The following TPM4 variants were observed in gnomAD, a reference collection of about 807,000 sequenced individuals.
TPM4 encodes the protein tropomyosin 4.
In TPM4, 17 loss-of-function variants were observed where a neutral mutation model predicts 35.8. The observed-to-expected ratio is 0.47, with a 90% CI of 0.32 to 0.71. The LOEUF (loss-of-function observed/expected upper bound fraction) is 0.71. TPM4 is among the 30% of genes least tolerant of loss of function. TPM4 has a pLI of 0.03. For synonymous variants in TPM4, 120 were observed against 122.9 expected (o/e 0.98, Z 0.15); for missense variants, 240 against 320.9 (o/e 0.75, Z 1.93).
upstream of TPM4, chr19:16,075,963 T>C: frequency 6.6e-7 from 1 of 1,515,616 alleles, no homozygotes. Flanking sequence ...AGGACTCTTG[T>C]GAATATTGGG....
In TPM4 at chr19:16,067,859, T is replaced by C; in HGVS notation, c.114+121T>C. ...GCGGGAGGATAGGAGGCTGATGCTT[T>C]GGCGGAGGAAGAGCGAGGGGACCAT... is the stretch of plus-strand genomic sequence containing the variant. On this transcript the variant is annotated intron_variant, in intron 2 of 2. Transcript: ENST00000589897. This position sits in a 1 kb window ranked among gnomAD's most constrained non-coding sequence, Gnocchi z 4.1. The C allele has an allele frequency of 1.1e-6, 1 of 922,630 alleles. No individual in the cohort carries two copies. The highest frequency in any genetic ancestry group is 3.0e-5 in the East Asian group (1 of 33,258). 57.2% of individuals were successfully genotyped at this position (922,630 alleles called of 1,614,324 possible). A position where few individuals can be genotyped will look rare whatever the true frequency, so the allele number is the denominator to read the frequency against.
At chr19:16,087,719 G>C (rs930310848) in intron 3 of TPM4, among the ~76,000 whole-genome samples, 5 of 151,008 alleles carry the variant, frequency 3.3e-5, no homozygotes, top group African/African-American at 1.2e-4. Context: ...CATCTCGACT[G>C]AAAATACAAA....
chr19:16,086,656 C>T (rs1157602031), intron 3 of TPM4, 116 bp downstream of exon 3: 2 of 790,282 alleles, frequency 2.5e-6, no homozygotes, highest in African/African-American at 3.5e-5. Context: ...AGCTGTCCTC[C>T]TGCGTGAACA....
chr19:16,081,381 T>A (rs2090480429), intron 1 of TPM4: 2 of 287,856 alleles, frequency 6.9e-6, no homozygotes, highest in African/African-American at 4.4e-5. Context: ...CTACCCATCT[T>A]GTACTGGGAC....
chr19:16,077,843 C>T (rs2090431399), intron 1 of TPM4: 3 of 262,820 alleles, frequency 1.1e-5, no homozygotes, highest in African/African-American at 4.4e-5. Context: ...CTCGCTGCAA[C>T]CTCCACCCCC....
chr19:16,076,743 G>A, intron 1 of TPM4, 46 bp downstream of exon 1: 1 of 1,283,910 alleles, frequency 7.8e-7, no homozygotes, highest in Non-Finnish European at 9.9e-7. Context: ...CTCCTCCCCC[G>A]CGCGCCCTCC....
chr19:16,099,889 G>T (rs1008267274), intron 7 of TPM4: 11 of 152,160 alleles, frequency 7.2e-5, no homozygotes, highest in East Asian at 5.8e-4. Context: ...TTTACCTGGG[G>T]TTTGTCTCCG....
At chr19:16,081,397 CTTT>C (rs374854830) in intron 1 of TPM4, 93 of 136,446 alleles carry the variant, frequency 6.8e-4, no homozygotes, top group Non-Finnish European at 1.0e-3. Context: ...GGGACACTCG[CTTT>C]TTTTTTTTTT....
chr19:16,076,908 G>T lies in TPM4; in HGVS notation c.132+211G>T, dbSNP rs1039977922. On this transcript the variant is annotated intron_variant, in intron 1 of 7. Coordinates refer to ENST00000643579, the MANE Select transcript of TPM4 (RefSeq NM_003290.3). ...TCCTTCCTGGGCCTGGGACAGGGGAGGGGGCGCCGCCTCCGGGTCGGGCGG... is the reference window on the plus strand; with the variant it reads ...TCCTTCCTGGGCCTGGGACAGGGGATGGGGCGCCGCCTCCGGGTCGGGCGG... 12 of 1,109,002 alleles carry T rather than the reference G, an allele frequency of 1.1e-5. No individual in the cohort carries two copies. The African/African-American group carries it at 2.0e-4, about 18-fold the overall frequency. 68.7% of individuals were successfully genotyped at this position (1,109,002 alleles called of 1,614,324 possible).
At chr19:16,077,913 C>T in intron 1 of TPM4, 1 of 331,632 alleles carries the variant, frequency 3.0e-6, no homozygotes, top group East Asian at 4.5e-5. Context: ...AGGTGCCCGC[C>T]ACCACGCCCA....
intron 5 of TPM4, 121 bp from the exon 6 acceptor site, chr19:16,093,415 C>A: frequency 9.2e-7 from 1 of 1,087,242 alleles, no homozygotes; most frequent in South Asian, 1.4e-5. Flanking sequence ...AGGCTGGTCT[C>A]GAACTCCTGA....
rs961836020 is a variant in TPM4, at chr19:16,070,437, C to G, written c.114+2699C>G. On this transcript the variant is annotated intron_variant, in intron 2 of 2. Transcript: ENST00000589897. This position sits in a 1 kb window ranked among gnomAD's most constrained non-coding sequence, Gnocchi z 7.4. The stretch of plus-strand genomic sequence containing the variant: ...GGAGCATCCAGGTCTCCGATAAACC[C>G]TGGGAGATGCCTAGGACCATGGCAC... Among the ~76,000 whole-genome samples the G allele has an allele frequency of 8.5e-5, 13 of 152,196 alleles. No homozygotes were observed. Among genetic ancestry groups the G allele is most frequent in the Non-Finnish European group, 1.6e-4 (11 of 68,018 alleles).
intron 7 of TPM4, among the ~76,000 whole-genome samples, chr19:16,094,115 C>T (rs947160514): frequency 6.6e-6 from 1 of 151,874 alleles, no homozygotes; most frequent in Non-Finnish European, 1.5e-5. Flanking sequence ...CAGGCGTGTG[C>T]CGCCACACCT....
upstream of TPM4, among the ~76,000 whole-genome samples, chr19:16,071,651 G>A (rs902079251): frequency 5.9e-5 from 9 of 152,200 alleles, no homozygotes; most frequent in Admixed American, 4.6e-4. Flanking sequence ...AGGAGCTAAC[G>A]GCCAGTCCTG....
chr19:16,097,119 A>T (rs528681123), intron 7 of TPM4, among the ~76,000 whole-genome samples: 2 of 150,772 alleles, frequency 1.3e-5, no homozygotes, highest in African/African-American at 4.9e-5. Flanking sequence ...ACACTCAGCT[A>T]ATTTTTGTAC....
intron 5 of TPM4, among the ~76,000 whole-genome samples, chr19:16,090,755 C>G (rs2144949329): frequency 6.6e-6 from 1 of 151,266 alleles, no homozygotes; most frequent in East Asian, 1.9e-4. Flanking sequence ...GGAACCATGT[C>G]ATCTTGTTCA....
chr19:16,076,818 G>C, intron 1 of TPM4, 121 bp downstream of exon 1: 3 of 1,260,720 alleles, frequency 2.4e-6, no homozygotes, highest in Non-Finnish European at 3.0e-6. Context: ...TTACGCCCTC[G>C]GACGCCGATC....
At chr19:16,076,233 A>T, upstream of TPM4, 4 of 1,546,806 alleles carry the variant, frequency 2.6e-6, no homozygotes, top group Non-Finnish European at 3.5e-6. Flanking sequence ...GGGGCCGGGA[A>T]GGCGGGGAGA....
chr19:16,082,604 G>GC (rs2090496759), intron 2 of TPM4, among the ~76,000 whole-genome samples: 1 of 152,208 alleles, frequency 6.6e-6, no homozygotes, highest in African/African-American at 2.4e-5. Context: ...ATGTGAGACT[G>GC]CAAGTATGAC....
Sources: gnomAD v4.1 joint callset for allele counts (sites outside exome capture counted in the v4.1 genomes callset) on GRCh38, gnomAD v4.1.1 for gene constraint, Gnocchi (gnomAD v3.1) non-coding constraint, MANE v1.5 for transcripts, NCBI Gene and HGNC (gene_info 2026-07-23, HGNC 2026-07-21) for gene names.